The following GALNT13 variants were observed in gnomAD, a reference collection of about 807,000 sequenced individuals.
GALNT13 encodes the protein polypeptide N-acetylgalactosaminyltransferase 13.
Under a neutral mutation model 64.2 loss-of-function variants are expected in GALNT13, and 28 were observed. That is an observed-to-expected ratio of 0.44 (90% CI 0.32 to 0.60). The LOEUF is 0.60. GALNT13 is among the 20% of genes least tolerant of loss of function. The probability of loss-of-function intolerance (pLI) is 0.05; values close to 1 mark genes in which losing one functional copy is unlikely to be tolerated. For synonymous variants in GALNT13, 214 were observed against 224.6 expected (o/e 0.95, Z 0.42); for missense variants, 577 against 669.8 (o/e 0.86, Z 1.53).
the GALNT13 span, among the ~76,000 whole-genome samples, chr2:153,619,049 A>T: frequency 1.3e-5 from 2 of 151,856 alleles, no homozygotes; most frequent in Admixed American, 6.6e-5. Flanking sequence ...TATGGAGTTA[A>T]TCTTACCATT....
At chr2:153,506,382 T>C in the GALNT13 span, among the ~76,000 whole-genome samples, 1 of 152,194 alleles carries the variant, frequency 6.6e-6, no homozygotes, top group African/African-American at 2.4e-5. Flanking sequence ...CTATTTGTCA[T>C]GCTATTTATT....
the GALNT13 span, among the ~76,000 whole-genome samples, chr2:153,587,423 A>G: frequency 6.6e-6 from 1 of 152,168 alleles, no homozygotes; most frequent in Non-Finnish European, 1.5e-5. Context: ...AAAGAGGTTT[A>G]ATAGACTCAC....
the GALNT13 span, among the ~76,000 whole-genome samples, chr2:153,173,977 A>C: frequency 6.6e-6 from 1 of 152,260 alleles, no homozygotes; most frequent in Non-Finnish European, 1.5e-5. Context: ...AAAAAGGGTC[A>C]TGGGTCTCAA....
intron 2 of GALNT13, among the ~76,000 whole-genome samples, chr2:153,909,470 A>T (rs951168274): frequency 6.6e-5 from 10 of 151,858 alleles, no homozygotes; most frequent in Admixed American, 2.0e-4. Flanking sequence ...TTTCAATACT[A>T]TGTTTAATAG....
At chr2:154,367,532 T>C (rs1481228782) in intron 9 of GALNT13, among the ~76,000 whole-genome samples, 1 of 152,054 alleles carries the variant, frequency 6.6e-6, no homozygotes, top group African/African-American at 2.4e-5. Flanking sequence ...AGAAGCATTG[T>C]TTTTTTAATA....
At chr2:154,043,455 T>TAC (rs1553470480) in intron 3 of GALNT13, among the ~76,000 whole-genome samples, 32 of 104,992 alleles carry the variant, frequency 3.0e-4, no homozygotes, top group South Asian at 1.6e-3. Context: ...TATATATATA[T>TAC]ACACACATGT....
rs1363981893 is a variant in GALNT13 at position 154,214,466 on chromosome 2, A to G, written c.312-27564A>G. 4.6e-5 allele frequency among the ~76,000 whole-genome samples: 7 copies of G among 152,152 alleles called. No homozygotes were observed. The South Asian group carries it at 6.2e-4, about 14-fold the overall frequency. ...TAATTAGGGGAACCAGCCTTTCCCT[A>G]TTGATATGGTTTGGCTCTGGGTCGC... On this transcript the variant is annotated intron_variant, in intron 4 of 12. Transcript: ENST00000392825.
chr2:153,342,225 G>A, the GALNT13 span, among the ~76,000 whole-genome samples: 5 of 152,140 alleles, frequency 3.3e-5, no homozygotes, highest in African/African-American at 1.2e-4. Flanking sequence ...TAAAAGCAAG[G>A]CACATGAAAA....
the GALNT13 span, among the ~76,000 whole-genome samples, chr2:153,798,950 C>T: frequency 3.3e-5 from 5 of 151,956 alleles, no homozygotes; most frequent in African/African-American, 4.8e-5. Context: ...CATGTGTACC[C>T]GAGAAATACT....
At chr2:153,571,649 A>C in the GALNT13 span, among the ~76,000 whole-genome samples, 4 of 151,964 alleles carry the variant, frequency 2.6e-5, no homozygotes, top group Admixed American at 2.6e-4. Flanking sequence ...TGAGGGCTTT[A>C]ACATCAAGGG....
At chr2:153,310,014 T>G in the GALNT13 span, among the ~76,000 whole-genome samples, 1 of 152,152 alleles carries the variant, frequency 6.6e-6, no homozygotes, top group Non-Finnish European at 1.5e-5. Context: ...CCTGAGATTT[T>G]GGGGATCATT....
chr2:153,554,134 G>T, the GALNT13 span, among the ~76,000 whole-genome samples: 1 of 150,896 alleles, frequency 6.6e-6, no homozygotes, highest in East Asian at 2.0e-4. Context: ...GGCTAACACG[G>T]TGAAACCCTG....
intron 8 of GALNT13, chr2:154,286,751 C>A (rs1011463897): frequency 8.3e-5 from 27 of 323,730 alleles, no homozygotes; most frequent in Admixed American, 1.6e-4. Context: ...CAGGAAGGGA[C>A]TCACTTTCTC....
At chr2:153,708,859 G>T in the GALNT13 span, among the ~76,000 whole-genome samples, 1 of 152,124 alleles carries the variant, frequency 6.6e-6, no homozygotes, top group African/African-American at 2.4e-5. Flanking sequence ...TCTGTCCATT[G>T]ATTTTGACAA....
chr2:154,029,577 T>C (rs891013956), intron 3 of GALNT13, among the ~76,000 whole-genome samples: 3 of 152,124 alleles, frequency 2.0e-5, no homozygotes, highest in Non-Finnish European at 4.4e-5. Context: ...AGAAGGACAG[T>C]CATTCTCATT....
the GALNT13 span, among the ~76,000 whole-genome samples, chr2:153,657,765 A>G: frequency 5.0e-3 from 764 of 152,250 alleles, 4 homozygotes; most frequent in Non-Finnish European, 8.0e-3. Context: ...GCATAAACCA[A>G]TTAGGCATAT....
chr2:153,401,672 A>G, the GALNT13 span, among the ~76,000 whole-genome samples: 1 of 149,310 alleles, frequency 6.7e-6, no homozygotes, highest in Admixed American at 6.6e-5. Flanking sequence ...TCCCTTTACC[A>G]TTATGTAATG....
chr2:153,456,134 G>C, the GALNT13 span, among the ~76,000 whole-genome samples: 1 of 152,122 alleles, frequency 6.6e-6, no homozygotes, highest in Non-Finnish European at 1.5e-5. Context: ...GCGGGCCATT[G>C]GTGGTTTAGG....
chr2:153,075,345 G>C, the GALNT13 span, among the ~76,000 whole-genome samples: 1 of 152,134 alleles, frequency 6.6e-6, no homozygotes, highest in South Asian at 2.1e-4. Flanking sequence ...TCTTGTGTGT[G>C]TACTGATAAG....
Sources: gnomAD v4.1 joint callset for allele counts (sites outside exome capture counted in the v4.1 genomes callset) on GRCh38, gnomAD v4.1.1 for gene constraint, MANE v1.5 for transcripts, NCBI Gene and HGNC (gene_info 2026-07-23, HGNC 2026-07-21) for gene names.